Variants in LMX1A observed in about 807,000 individuals in gnomAD.
LMX1A encodes the protein LIM homeobox transcription factor 1 alpha.
A neutral mutation model predicts 49.1 loss-of-function variants in LMX1A; 15 were observed. That is an observed-to-expected ratio of 0.31 (90% CI 0.20 to 0.47). The LOEUF (loss-of-function observed/expected upper bound fraction) is 0.47, where lower values mean the gene tolerates loss of function less well. Among genes scored for constraint, LMX1A ranks in the 20% least tolerant of loss-of-function variants. The pLI is 1.00. For synonymous variants in LMX1A, 167 were observed against 185.7 expected, an observed-to-expected ratio of 0.90 and a Z score of 0.82; for missense variants, 372 against 475.8, an observed-to-expected ratio of 0.78 and a Z score of 2.03.
chr1:165,236,932 T>C (rs1482203181), intron 4 of LMX1A, among the ~76,000 whole-genome samples: 1 of 152,054 alleles, frequency 6.6e-6, no homozygotes, highest in African/African-American at 2.4e-5. Context: ...AATATAATAT[T>C]GTTTATCCAT....
chr1:165,274,962 A>C lies in LMX1A; in HGVS notation c.264-25322T>G, dbSNP rs565919921. 2.5e-3 allele frequency among the ~76,000 whole-genome samples: 379 copies of C among 152,330 alleles called. 1 individual carries two copies. The highest frequency in any genetic ancestry group is 8.4e-3 in the African/African-American group (350 of 41,582). On this transcript the variant is annotated intron_variant, in intron 3 of 8. Transcript: ENST00000342310. ...AGTAGGTGCTCAATAATTGGTAGTA[A>C]TTCCCATTTTCTTACCTGTTTGAGG...
At chr1:165,318,421 TCAAA>T (rs111603719) in intron 3 of LMX1A, among the ~76,000 whole-genome samples, 5,932 of 152,210 alleles carry the variant, frequency 0.039, 376 homozygotes, top group African/African-American at 0.14. Flanking sequence ...AAGTCAGAAT[TCAAA>T]CAATCTGCTG....
chr1:165,298,480 G>A (rs1654685480), intron 3 of LMX1A, among the ~76,000 whole-genome samples: 1 of 152,224 alleles, frequency 6.6e-6, no homozygotes, highest in Non-Finnish European at 1.5e-5. Context: ...GGAGGTCCAG[G>A]TGCAAGAACA....
chr1:165,276,613 A>C (rs1014147654), intron 3 of LMX1A, among the ~76,000 whole-genome samples: 5 of 152,086 alleles, frequency 3.3e-5, no homozygotes, highest in Admixed American at 2.6e-4. Context: ...CACTAAAGTC[A>C]CGTTAGACAG....
Position 165,213,628 on chromosome 1 carries a change from C to G in LMX1A, c.669+13G>C, listed in dbSNP as rs761410820. 7 of 1,609,202 alleles carry G rather than the reference C, an allele frequency of 4.3e-6. No homozygotes were observed. Among genetic ancestry groups the G allele is most frequent in the Non-Finnish European group, 5.9e-6 (7 of 1,177,690 alleles). On this transcript the variant is annotated intron_variant, in intron 5 of 8. Transcript: ENST00000342310. Reference sequence around the variant, plus strand: ...GGGGCCCAGCTCCTTTTCCTCCCTGCTCCCTCCTATACCTTCCTGCAGGGC... The same window carrying G: ...GGGGCCCAGCTCCTTTTCCTCCCTGGTCCCTCCTATACCTTCCTGCAGGGC...
Position 165,227,098 on chromosome 1 carries a change from C to G in LMX1A, c.497-13285G>C, listed in dbSNP as rs138777995. Among the ~76,000 whole-genome samples the G allele has an allele frequency of 6.1e-3, 929 of 151,938 alleles. 6 individuals are homozygous for G. The highest frequency in any genetic ancestry group is 0.02 in the African/African-American group (838 of 41,438). ...GGGCAGGCTTCCTCAAGAAGGCTTA[C>G]AGAAAGAGAATGGATTTAAATTTAA... On this transcript the variant is annotated intron_variant, in intron 4 of 8. Coordinates refer to ENST00000342310, the MANE Select transcript of LMX1A (RefSeq NM_177398.4).
chr1:165,292,389 T>C (rs1654500839), intron 3 of LMX1A, among the ~76,000 whole-genome samples: 1 of 152,042 alleles, frequency 6.6e-6, no homozygotes, highest in South Asian at 2.1e-4. Context: ...GAAGCAAAGC[T>C]CCGGAAAGTG....
intron 4 of LMX1A, among the ~76,000 whole-genome samples, chr1:165,230,760 A>G (rs181328838): frequency 1.3e-5 from 2 of 152,356 alleles, no homozygotes; most frequent in Admixed American, 1.3e-4. Flanking sequence ...GAGCTTATCC[A>G]AGATCACATG....
At chr1:165,280,033 C>G (rs1654099677) in intron 3 of LMX1A, among the ~76,000 whole-genome samples, 1 of 152,074 alleles carries the variant, frequency 6.6e-6, no homozygotes, top group African/African-American at 2.4e-5. Flanking sequence ...GGCCGTGGCT[C>G]CAGAAAGGGG....
Position 165,268,856 on chromosome 1 carries a change from T to A in LMX1A, c.264-19216A>T, listed in dbSNP as rs1179235542. 5.9e-5 allele frequency among the ~76,000 whole-genome samples: 9 copies of A among 152,368 alleles called. No homozygotes were observed. The East Asian group carries it at 1.7e-3, about 29-fold the overall frequency. On this transcript the variant is annotated intron_variant, in intron 3 of 8. Transcript: ENST00000342310. ...GCTGTCTACATGTGCTTCACATTGT[T>A]ATGAAAATTGTTGTAAGCCATTGCA...
chr1:165,275,076 T>C (rs962893080), intron 3 of LMX1A, among the ~76,000 whole-genome samples: 1 of 152,146 alleles, frequency 6.6e-6, no homozygotes, highest in Non-Finnish European at 1.5e-5. Flanking sequence ...GATTCATAGG[T>C]TCATAGGAGC....
intron 3 of LMX1A, among the ~76,000 whole-genome samples, chr1:165,335,423 G>GTCTT (rs1226886670): frequency 6.6e-6 from 1 of 152,024 alleles, no homozygotes; most frequent in Non-Finnish European, 1.5e-5. Flanking sequence ...GCATTTCGTG[G>GTCTT]TCTTGTTTAT....
intron 4 of LMX1A, among the ~76,000 whole-genome samples, chr1:165,241,184 C>T (rs1447674669): frequency 6.6e-6 from 1 of 152,274 alleles, no homozygotes; most frequent in Admixed American, 6.5e-5. Flanking sequence ...TTTATGCACC[C>T]TAGCCACCCA....
rs75967041 is a variant in LMX1A at position 165,283,567 on chromosome 1, C to T, written c.264-33927G>A. On this transcript the variant is annotated intron_variant, in intron 3 of 8. Coordinates refer to ENST00000342310, the MANE Select transcript of LMX1A (RefSeq NM_177398.4). ...ATGGCTCCTGACATTCAGCTCTTAG[C>T]TCAAAAGGGTCTTCCTTGACCACAC... 8.7e-3 allele frequency among the ~76,000 whole-genome samples: 1,324 copies of T among 152,288 alleles called. 15 individuals carry two copies. Among genetic ancestry groups the T allele is most frequent in the Middle Eastern group, 0.027 (8 of 294 alleles).
rs1656590704 is a variant in LMX1A, at chr1:165,355,817, C to T, written c.-22-236G>A. 2.0e-6 allele frequency: 1 copy of T among 500,808 alleles called. No individual in the cohort carries two copies. The highest frequency in any genetic ancestry group is 3.5e-6 in the Non-Finnish European group (1 of 282,364). 31.0% of individuals were successfully genotyped at this position (500,808 alleles called of 1,614,324 possible). A position where few individuals can be genotyped will look rare whatever the true frequency, so the allele number is the denominator to read the frequency against. ...ACGTTATGTACTTAGGCCTCCGCCC[C>T]CCAACTGCGTTTCTCCTTCTCCTGC... is the stretch of plus-strand genomic sequence containing the variant. On this transcript the variant is annotated intron_variant, in intron 1 of 8. Transcript: ENST00000342310. The surrounding 1 kb of genome is among the most constrained non-coding windows in gnomAD (Gnocchi z 4.7).
At chr1:165,324,082 A>T (rs1655499504) in intron 3 of LMX1A, among the ~76,000 whole-genome samples, 1 of 152,248 alleles carries the variant, frequency 6.6e-6, no homozygotes, top group Non-Finnish European at 1.5e-5. Context: ...GAGAAAGGTG[A>T]AAATAAGACT....
chr1:165,288,183 A>G (rs1654350685), intron 3 of LMX1A, among the ~76,000 whole-genome samples: 1 of 152,196 alleles, frequency 6.6e-6, no homozygotes, highest in Non-Finnish European at 1.5e-5. Flanking sequence ...GGTAACAGGG[A>G]TGGACAGCTC....
chr1:165,244,860 CA>C (rs5778436), intron 4 of LMX1A, among the ~76,000 whole-genome samples: 91,697 of 150,352 alleles, frequency 0.61, 28,536 homozygotes, highest in East Asian at 0.71. Flanking sequence ...TGCCCAGTGT[CA>C]AAAAAAAAAA....
chr1:165,239,095 C>T (rs2102628018), intron 4 of LMX1A, among the ~76,000 whole-genome samples: 1 of 144,216 alleles, frequency 6.9e-6, no homozygotes, highest in South Asian at 2.2e-4. Flanking sequence ...ATCATTTTCC[C>T]ATTTGGCCAA....
Sources: gnomAD v4.1 joint callset for allele counts (sites outside exome capture counted in the v4.1 genomes callset) on GRCh38, gnomAD v4.1.1 for gene constraint, Gnocchi (gnomAD v3.1) non-coding constraint, MANE v1.5 for transcripts, NCBI Gene and HGNC (gene_info 2026-07-23, HGNC 2026-07-21) for gene names.